TRIM9: variants seen among roughly 807,000 people sequenced by gnomAD.
TRIM9 encodes the protein E3 ubiquitin-protein ligase TRIM9.
TRIM9 carries 26 observed loss-of-function variants against 78.3 expected under a neutral mutation model. That is an observed-to-expected ratio of 0.33 (90% CI 0.24 to 0.46). The LOEUF (loss-of-function observed/expected upper bound fraction) is 0.46, where lower values mean the gene tolerates loss of function less well. TRIM9 is among the 20% of genes least tolerant of loss of function. The pLI is 1.00. For missense variants in TRIM9, 787 were observed against 1,036.4 expected, an observed-to-expected ratio of 0.76 and a Z score of 3.30; for synonymous variants, 398 against 416.5, an observed-to-expected ratio of 0.96 and a Z score of 0.54.
intron 7 of TRIM9, among the ~76,000 whole-genome samples, chr14:50,987,578 T>G (rs2052881625): frequency 6.6e-6 from 1 of 152,204 alleles, no homozygotes; most frequent in South Asian, 2.1e-4. Context: ...TTCATATGGT[T>G]TGAATGACTT....
chr14:51,089,243 TAAAC>T lies in TRIM9; in HGVS notation c.822+4871_822+4874del, dbSNP rs1419243767. The T allele has an allele frequency of 4.6e-5, 7 of 152,370 alleles. 1 individual carries two copies. The highest frequency in any genetic ancestry group is 1.7e-4 in the African/African-American group (7 of 41,590). 9.4% of individuals were successfully genotyped at this position (152,370 alleles called of 1,614,324 possible). On this transcript the variant is annotated intron_variant, in intron 1 of 12. Coordinates refer to ENST00000684578, the MANE Select transcript of TRIM9 (RefSeq NM_001387360.1). ...AATGAATAATCCCTGATAAAACTGA[TAAAC>T]AAATGATATTTATTTATAACTATTT...
chr14:51,024,482 C>G (rs1161465976), intron 2 of TRIM9, among the ~76,000 whole-genome samples: 3 of 152,184 alleles, frequency 2.0e-5, no homozygotes, highest in Non-Finnish European at 4.4e-5. Flanking sequence ...AGGCAATTTA[C>G]TGGAGGCCAG....
At chr14:51,029,631 C>T (rs2058557956) in intron 1 of TRIM9, among the ~76,000 whole-genome samples, 3 of 152,120 alleles carry the variant, frequency 2.0e-5, no homozygotes, top group African/African-American at 7.2e-5. Flanking sequence ...AAAGTGTAAG[C>T]AAGAAATTCT....
intron 1 of TRIM9, among the ~76,000 whole-genome samples, chr14:51,079,713 G>C (rs1017982254): frequency 6.6e-6 from 1 of 152,174 alleles, no homozygotes; most frequent in African/African-American, 2.4e-5. Flanking sequence ...GCAAGTCAAT[G>C]TCAGGCTGGA....
intron 6 of TRIM9, among the ~76,000 whole-genome samples, chr14:51,000,009 G>T (rs1051626761): frequency 6.6e-6 from 1 of 152,172 alleles, no homozygotes; most frequent in African/African-American, 2.4e-5. Context: ...ACCTTGGGAA[G>T]GTAGCAATCT....
intron 1 of TRIM9, among the ~76,000 whole-genome samples, chr14:51,052,493 C>G (rs1307288053): frequency 6.6e-6 from 1 of 152,114 alleles, no homozygotes; most frequent in Non-Finnish European, 1.5e-5. Flanking sequence ...CTATTAGCGT[C>G]ATTTAATTTA....
chr14:51,037,819 T>A (rs1337278443), intron 1 of TRIM9, among the ~76,000 whole-genome samples: 1 of 152,058 alleles, frequency 6.6e-6, no homozygotes, highest in Non-Finnish European at 1.5e-5. Context: ...GGCGTTACCA[T>A]CTATTCCTTA....
chr14:51,093,901 C>A (rs1596344997), intron 1 of TRIM9, among the ~76,000 whole-genome samples: 1 of 152,380 alleles, frequency 6.6e-6, no homozygotes, highest in East Asian at 1.9e-4. Flanking sequence ...TCTAAGGCAT[C>A]CCCGCAACAA....
chr14:50,977,249 G>A lies in TRIM9; in HGVS notation c.*42C>T, dbSNP rs770106640. 1 of 1,403,714 alleles carries A rather than the reference G, an allele frequency of 7.1e-7. No homozygotes were observed. The allele number at this position is 1,403,714 out of a possible 1,614,324, so 87.0% of individuals were successfully genotyped here. On this transcript the variant is annotated 3_prime_UTR_variant, in exon 13 of 13. Coordinates refer to ENST00000684578, the MANE Select transcript of TRIM9 (RefSeq NM_001387360.1). ...GAGCTCCTTGCTGTGGCTCTCGCAG[G>A]CGGAGGTAAGAACAGGCAGCTGGCG...
chr14:51,032,409 T>G (rs2058811059), intron 1 of TRIM9, among the ~76,000 whole-genome samples: 1 of 152,240 alleles, frequency 6.6e-6, no homozygotes, highest in South Asian at 2.1e-4. Context: ...GTTGATAGAT[T>G]ACCCTAGGAA....
Position 50,998,604 on chromosome 14 carries a change from T to C in TRIM9, c.1465-416A>G, listed in dbSNP as rs115695881. ...GAGCTCCTTATCCATCAGTATGGTT[T>C]GTAAAAAACATGTTTGAAACCATGA... On this transcript the variant is annotated intron_variant, in intron 6 of 12. Transcript: ENST00000684578. Among the ~76,000 whole-genome samples the C allele has an allele frequency of 9.2e-3, 1,398 of 152,318 alleles. 15 individuals carry two copies. Among genetic ancestry groups the C allele is most frequent in the African/African-American group, 0.03 (1,237 of 41,566 alleles).
At chr14:51,073,908 T>A (rs2062525639) in intron 1 of TRIM9, among the ~76,000 whole-genome samples, 2 of 152,158 alleles carry the variant, frequency 1.3e-5, no homozygotes, top group Non-Finnish European at 1.5e-5. Flanking sequence ...GCCAAAGAAC[T>A]GACAACAAGC....
intron 3 of TRIM9, among the ~76,000 whole-genome samples, chr14:51,015,786 G>A (rs753356740): frequency 2.6e-5 from 4 of 151,986 alleles, no homozygotes; most frequent in South Asian, 2.1e-4. Flanking sequence ...GATTACAGGC[G>A]TGAGCCACCA....
Position 50,986,034 on chromosome 14 carries a change from CG to C in TRIM9, c.1713del (p.Arg573AspfsTer13). 1 of 1,549,198 alleles carries C rather than the reference CG, an allele frequency of 6.5e-7. No homozygotes were observed. Among genetic ancestry groups the C allele is most frequent in the Non-Finnish European group, 8.7e-7 (1 of 1,146,290 alleles). On this transcript the variant is annotated frameshift_variant, in exon 8 of 13. Transcript: ENST00000684578. LOFTEE classifies it high-confidence loss of function. The stretch of plus-strand genomic sequence containing the variant: ...GATCGGAAATCAAAGTAGGATCTCC[CG>C]GGGAAGCTGGGTTGTAGATTAAGGG... ...SSTLNLQPSF[P>X]GRSYFDFRSS...
At chr14:50,986,306 G>A (rs2052703931) in intron 7 of TRIM9, 162 bp from the exon 8 acceptor site, 2 of 548,928 alleles carry the variant, frequency 3.6e-6, no homozygotes, top group South Asian at 9.1e-5. Context: ...CTGGGGGCAG[G>A]GAGGGAATTT....
chr14:51,051,883 C>G (rs1396651276), intron 1 of TRIM9, among the ~76,000 whole-genome samples: 1 of 152,060 alleles, frequency 6.6e-6, no homozygotes, highest in African/African-American at 2.4e-5. Context: ...GAGATAATTG[C>G]TTGAACCCAG....
intron 9 of TRIM9, 90 bp from the exon 10 acceptor site, chr14:50,983,055 G>A: frequency 2.4e-6 from 3 of 1,263,640 alleles, no homozygotes; most frequent in Non-Finnish European, 2.2e-6. Context: ...TGATAGACTA[G>A]TACCCCAAAA....
intron 1 of TRIM9, among the ~76,000 whole-genome samples, chr14:51,031,079 C>T (rs1316741034): frequency 6.9e-5 from 9 of 130,036 alleles, no homozygotes; most frequent in African/African-American, 2.3e-4. Flanking sequence ...ACCTGAGAGG[C>T]GGAGGTTGCA....
chr14:50,982,143 C>T (rs757429788), intron 10 of TRIM9, 40 bp from the exon 11 acceptor site: 2 of 1,602,554 alleles, frequency 1.2e-6, no homozygotes, highest in Non-Finnish European at 1.7e-6. Context: ...TAAGACAGAC[C>T]CAACAAGCTC....
Sources: gnomAD v4.1 joint callset for allele counts (sites outside exome capture counted in the v4.1 genomes callset) on GRCh38, gnomAD v4.1.1 for gene constraint, MANE v1.5 for transcripts, NCBI Gene and HGNC (gene_info 2026-07-23, HGNC 2026-07-21) for gene names.